IZUMO3: variants seen among roughly 807,000 people sequenced by gnomAD.
The protein encoded by IZUMO3 is izumo sperm-egg fusion protein 3.
In IZUMO3, 36 loss-of-function variants were observed where a neutral mutation model predicts 28.4. The ratio of observed to expected loss-of-function variants is 1.27; its 90% CI spans 0.97 to 1.67. The LOEUF (loss-of-function observed/expected upper bound fraction) is 1.67. Ranked by LOEUF, IZUMO3 falls within the 40% of genes most tolerant of loss-of-function variation. The probability of loss-of-function intolerance (pLI) is 0.00; values close to 1 mark genes in which losing one functional copy is unlikely to be tolerated. For missense variants in IZUMO3, 387 were observed against 278.5 expected (o/e 1.39, Z -2.77); for synonymous variants, 126 against 99.2 (o/e 1.27, Z -1.61).
rs905216725 is a variant in IZUMO3 at position 24,543,597 on chromosome 9, G to A, written c.581+67C>T. The A allele has an allele frequency of 5.0e-6, 6 of 1,192,096 alleles. No individual in the cohort carries two copies. In the Admixed American group the frequency reaches 8.5e-5, roughly 17 times the overall value. The allele number at this position is 1,192,096 out of a possible 1,614,324, so 73.8% of individuals were successfully genotyped here. The stretch of plus-strand genomic sequence containing the variant: ...CTTTATTTCCATTTGGAGGAAGAGG[G>A]AATTTGGGCAGTCTCTTGGCAAAAG... On this transcript the variant is annotated intron_variant, in intron 6 of 6. Coordinates refer to ENST00000543880, the MANE Select transcript of IZUMO3 (RefSeq NM_001365008.2).
intron 6 of IZUMO3, 84 bp from the exon 7 acceptor site, chr9:24,543,451 T>TTG (rs1819503841): frequency 6.0e-6 from 5 of 831,596 alleles, no homozygotes; most frequent in Non-Finnish European, 8.1e-6. Context: ...TTTTTTTTTT[T>TTG]TTTTTTTTTT....
In IZUMO3 at chr9:24,545,641, G is replaced by T. The variant is rs1479178308; in HGVS notation, c.9C>A (p.Asp3Glu). MG[D>E]LWLFLLLPLS... ...GGGGCAGGAGCAGGAATAACCACAG[G>T]TCACCCATTTCTTTCTTCACCCCCG... Residue 3 changes from aspartate to glutamate, a missense_variant, in exon 1 of 7, where the codon GAC (aspartate) becomes GAA (glutamate). By Grantham distance (45) the Asp-to-Glu change is conservative. Transcript: ENST00000543880. The T allele has an allele frequency of 6.5e-7, 1 of 1,534,944 alleles. No individual in the cohort carries two copies. The highest frequency in any genetic ancestry group is 8.7e-7 in the Non-Finnish European group (1 of 1,146,642).
At chr9:24,543,435 A>ATTG (rs1563907525) in intron 6 of IZUMO3, 68 bp from the exon 7 acceptor site, 28 of 75,516 alleles carry the variant, frequency 3.7e-4, no homozygotes, top group Middle Eastern at 8.9e-4. Flanking sequence ...CCAGTTATAC[A>ATTG]TTGTTTTTTT....
In IZUMO3 at chr9:24,543,119, G is replaced by T; in HGVS notation, c.*110C>A. ...TAGAGAAACTCTAAGTTCTATTTCAGTTTTAAAATACTATGACTTTATGAC... is the reference window on the plus strand; with the variant it reads ...TAGAGAAACTCTAAGTTCTATTTCATTTTTAAAATACTATGACTTTATGAC... On this transcript the variant is annotated 3_prime_UTR_variant, in exon 7 of 7. Coordinates refer to ENST00000543880, the MANE Select transcript of IZUMO3 (RefSeq NM_001365008.2). The T allele has an allele frequency of 1.2e-6, 1 of 865,064 alleles. No individual in the cohort carries two copies. Among genetic ancestry groups the T allele is most frequent in the Non-Finnish European group, 1.6e-6 (1 of 611,902 alleles). 53.6% of individuals were successfully genotyped at this position (865,064 alleles called of 1,614,324 possible).
In IZUMO3 at chr9:24,544,954, A is replaced by G. The variant is rs1169861268; in HGVS notation, c.391+18T>C. On this transcript the variant is annotated intron_variant, in intron 3 of 6. Transcript: ENST00000543880. ...CTTCATATAACTTCAGTGCTGTTAT[A>G]TAGAAAGTTTTACTTACCAATTTCA... is the stretch of plus-strand genomic sequence containing the variant. 3.3e-6 allele frequency: 5 copies of G among 1,512,176 alleles called. No homozygotes were observed. The African/African-American group carries it at 6.9e-5, about 21-fold the overall frequency. The allele number at this position is 1,512,176 out of a possible 1,614,324, so 93.7% of individuals were successfully genotyped here. A position where few individuals can be genotyped will look rare whatever the true frequency, so the allele number is the denominator to read the frequency against.
rs73652282 is a variant in IZUMO3 at position 24,543,822 on chromosome 9, C to T, written c.491-68G>A. Reference sequence around the variant, plus strand: ...AGAGAAATAGCTTGTGACATTTATTCAGAATAGAAAACTCTTTTAACCTCA... The same window carrying T: ...AGAGAAATAGCTTGTGACATTTATTTAGAATAGAAAACTCTTTTAACCTCA... On this transcript the variant is annotated intron_variant, in intron 5 of 6. Transcript: ENST00000543880. The T allele has an allele frequency of 2.0e-3, 2,165 of 1,064,898 alleles. 31 individuals carry two copies. The African/African-American group carries it at 0.031, about 15-fold the overall frequency. The allele number at this position is 1,064,898 out of a possible 1,614,324, so 66.0% of individuals were successfully genotyped here. A position where few individuals can be genotyped will look rare whatever the true frequency, so the allele number is the denominator to read the frequency against.
At position 24,543,596 on chromosome 9, in the gene IZUMO3, G is replaced by A. The variant is rs1038363588; in HGVS notation, c.581+68C>T. 25 of 1,179,146 alleles carry A rather than the reference G, an allele frequency of 2.1e-5. No homozygotes were observed. The East Asian group carries it at 5.2e-4, about 24-fold the overall frequency. 73.0% of individuals were successfully genotyped at this position (1,179,146 alleles called of 1,614,324 possible). ...GCTTTATTTCCATTTGGAGGAAGAGGGAATTTGGGCAGTCTCTTGGCAAAA... is the reference window on the plus strand; with the variant it reads ...GCTTTATTTCCATTTGGAGGAAGAGAGAATTTGGGCAGTCTCTTGGCAAAA... On this transcript the variant is annotated intron_variant, in intron 6 of 6. Coordinates refer to ENST00000543880, the MANE Select transcript of IZUMO3 (RefSeq NM_001365008.2).
In IZUMO3 at chr9:24,545,614, G is replaced by A; in HGVS notation, c.36C>T (p.Leu12=). Residue 12 remains leucine (L), a synonymous_variant, in exon 1 of 7, where the codon CTC becomes CTT. Coordinates refer to ENST00000543880, the MANE Select transcript of IZUMO3 (RefSeq NM_001365008.2). ...AGCCTTTGACTCCATGGAAGGCTGA[G>A]AGGGGCAGGAGCAGGAATAACCACA... ...GDLWLFLLLP[L]SAFHGVKGCL... 3 of 1,535,368 alleles carry A rather than the reference G, an allele frequency of 2.0e-6. No individual in the cohort carries two copies. Among genetic ancestry groups the A allele is most frequent in the Non-Finnish European group, 2.6e-6 (3 of 1,146,680 alleles).
At position 24,545,240 on chromosome 9, in the gene IZUMO3, A is replaced by C; in HGVS notation, c.273T>G (p.Phe91Leu). The C allele has an allele frequency of 6.4e-7, 1 of 1,550,426 alleles. No homozygotes were observed. Among genetic ancestry groups the C allele is most frequent in the South Asian group, 1.2e-5 (1 of 84,062 alleles). Residue 91 changes from phenylalanine to leucine, a missense_variant, in exon 2 of 7, where the codon TTT becomes TTG. Physicochemically the swap from Phe to Leu is conservative, Grantham distance 22. Transcript: ENST00000543880. Reference protein sequence around the residue: ...VKLRTWLKNEFYKLGNETWKG... With the variant: ...VKLRTWLKNELYKLGNETWKG... ...TCCATGTTTCATTGCCCAGTTTATAAAATTCATTCTTCAACCATGTTCTCA... is the reference window on the plus strand; with the variant it reads ...TCCATGTTTCATTGCCCAGTTTATACAATTCATTCTTCAACCATGTTCTCA...
intron 2 of IZUMO3, 26 bp downstream of exon 2, chr9:24,545,186 C>G (rs1819562470): frequency 1.9e-6 from 3 of 1,542,866 alleles, no homozygotes; most frequent in Non-Finnish European, 2.6e-6. Flanking sequence ...GCAATACAAA[C>G]TTTTAACATT....
At position 24,542,954 on chromosome 9, in the gene IZUMO3, G is replaced by A. The variant is rs556097069; in HGVS notation, c.*275C>T. 9.5e-5 allele frequency: 23 copies of A among 243,314 alleles called. No individual in the cohort carries two copies. In the East Asian group the frequency reaches 1.0e-3, roughly 11 times the overall value. The allele number at this position is 243,314 out of a possible 1,614,324, so 15.1% of individuals were successfully genotyped here. A position where few individuals can be genotyped will look rare whatever the true frequency, so the allele number is the denominator to read the frequency against. ...ACAGCCATTAATCAGAGTTACTAAC[G>A]ATGCATTATTTATTACTATCCAGCA... On this transcript the variant is annotated 3_prime_UTR_variant, in exon 7 of 7. Transcript: ENST00000543880.
chr9:24,543,484 CTCCATT>C (rs903992310), intron 6 of IZUMO3, 117 bp from the exon 7 acceptor site: 1 of 246,416 alleles, frequency 4.1e-6, no homozygotes, highest in African/African-American at 5.8e-5. Context: ...CTGGATACTT[CTCCATT>C]TCCTTTTGTT....
At chr9:24,543,592 A>G (rs1306040439) in intron 6 of IZUMO3, 72 bp downstream of exon 6, 5 of 1,158,386 alleles carry the variant, frequency 4.3e-6, no homozygotes, top group East Asian at 5.2e-5. Flanking sequence ...ATTTGGAGGA[A>G]GAGGGAATTT....
chr9:24,543,616 G>A (rs763045055), intron 6 of IZUMO3, 48 bp downstream of exon 6: 2 of 1,354,176 alleles, frequency 1.5e-6, no homozygotes, highest in South Asian at 1.3e-5. Context: ...CAGTCTCTTG[G>A]CAAAAGGAAT....
In IZUMO3 at chr9:24,543,082, A is replaced by T; in HGVS notation, c.*147T>A. On this transcript the variant is annotated 3_prime_UTR_variant, in exon 7 of 7. Transcript: ENST00000543880. ...ACTTCCGTTGTCTCAGGATATCAATAAGCATTTTCATTAGAGAAACTCTAA... is the reference window on the plus strand; with the variant it reads ...ACTTCCGTTGTCTCAGGATATCAATTAGCATTTTCATTAGAGAAACTCTAA... The T allele has an allele frequency of 1.6e-6, 1 of 631,984 alleles. No individual in the cohort carries two copies. Among genetic ancestry groups the T allele is most frequent in the Non-Finnish European group, 2.5e-6 (1 of 405,496 alleles). The allele number at this position is 631,984 out of a possible 1,614,324, so 39.1% of individuals were successfully genotyped here.
chr9:24,544,239 C>T lies in IZUMO3; in HGVS notation c.452G>A (p.Arg151His), dbSNP rs766196413. The stretch of plus-strand genomic sequence containing the variant: ...TCCTTTGAAGCACCTGTTAGTCATG[C>T]GAAGACACGTCCAACAATCAAGAAT... Reference protein sequence around the residue: ...GPILDCWTCLRMTNRCFKGEY... With the variant: ...GPILDCWTCLHMTNRCFKGEY... The change falls in exon 5 of 7, where the codon CGC becomes CAC. Residue 151 changes from arginine to histidine, a missense_variant. Transcript: ENST00000543880. The T allele has an allele frequency of 2.3e-5, 35 of 1,550,026 alleles. No homozygotes were observed. The highest frequency in any genetic ancestry group is 2.7e-5 in the Non-Finnish European group (31 of 1,146,580).
chr9:24,544,685 C>T (rs2117953033), intron 4 of IZUMO3, 58 bp downstream of exon 4: 1 of 1,479,786 alleles, frequency 6.8e-7, no homozygotes, highest in Non-Finnish European at 9.2e-7. Context: ...CCATATAGAG[C>T]AAAGGAGATG....
rs1563907465 is a variant in IZUMO3, at chr9:24,543,368, CTA to C, written c.582-3_582-2del. On this transcript the variant is annotated splice_acceptor_variant and splice_polypyrimidine_tract_variant and intron_variant, in intron 6 of 6. Transcript: ENST00000543880. LOFTEE classifies it high-confidence loss of function. Reference sequence around the variant, plus strand: ...CCGATGAAAGATGCAAAAATGGAATCTAGAGTAGGAAAAGAAAATAATTCCAA... The same window carrying C: ...CCGATGAAAGATGCAAAAATGGAATCGAGTAGGAAAAGAAAATAATTCCAA... 6.9e-7 allele frequency: 1 copy of C among 1,453,102 alleles called. No homozygotes were observed. The highest frequency in any genetic ancestry group is 9.2e-7 in the Non-Finnish European group (1 of 1,089,826). The allele number at this position is 1,453,102 out of a possible 1,614,324, so 90.0% of individuals were successfully genotyped here. A position where few individuals can be genotyped will look rare whatever the true frequency, so the allele number is the denominator to read the frequency against.
chr9:24,543,556 A>C, intron 6 of IZUMO3, 108 bp downstream of exon 6: 1 of 978,602 alleles, frequency 1.0e-6, no homozygotes, highest in Admixed American at 2.7e-5. Context: ...CCCAGAATTT[A>C]AAATGACTTC....
Sources: gnomAD v4.1 joint callset for allele counts on GRCh38, gnomAD v4.1.1 for gene constraint, MANE v1.5 for transcripts, NCBI Gene and HGNC (gene_info 2026-07-23, HGNC 2026-07-21) for gene names.